CLEC4G: variants seen among roughly 807,000 people sequenced by gnomAD.
The protein encoded by CLEC4G is C-type lectin domain family 4 member G, also known as C-type lectin superfamily 4, member G.
CLEC4G carries 34 observed loss-of-function variants against 37.0 expected under a neutral mutation model. The observed-to-expected ratio is 0.92, with a 90% CI of 0.70 to 1.22. CLEC4G has a LOEUF of 1.22. Ranked by LOEUF, CLEC4G falls within the 50% of genes most tolerant of loss-of-function variation. The pLI, the probability that CLEC4G is intolerant of heterozygous loss-of-function variation, is 0.00. For synonymous variants in CLEC4G, 167 were observed against 165.6 expected, an observed-to-expected ratio of 1.01 and a Z score of -0.06; for missense variants, 390 against 392.9, an observed-to-expected ratio of 0.99 and a Z score of 0.06.
chr19:7,730,828 C>A lies in CLEC4G; in HGVS notation c.315G>T (p.Thr105=). 3.3e-6 allele frequency: 5 copies of A among 1,532,312 alleles called. No homozygotes were observed. The highest frequency in any genetic ancestry group is 4.4e-6 in the Non-Finnish European group (5 of 1,145,836). 94.9% of individuals were successfully genotyped at this position (1,532,312 alleles called of 1,614,324 possible). ...CSGTQAQLQT[T]RAELGEAQAK... ...CCTGCGCCTCCCCAAGCTCCGCGCG[C>A]GTGGTCTGCAGCTGCGCCTGCGTCC... The change falls in exon 5 of 9, where the codon ACG becomes ACT. Residue 105 remains threonine, a synonymous_variant. Coordinates refer to ENST00000328853, the MANE Select transcript of CLEC4G (RefSeq NM_198492.4). The surrounding 1 kb of genome is among the most constrained non-coding windows in gnomAD (Gnocchi z 7.3).
At position 7,730,635 on chromosome 19, in the gene CLEC4G, G is replaced by T; in HGVS notation, c.388+120C>A. Reference sequence around the variant, plus strand: ...GCGCTAGGAGTGGCAGTCAAGGTCAGAGTGCAGCGTCAGGGTCAGGACGGG... The same window carrying T: ...GCGCTAGGAGTGGCAGTCAAGGTCATAGTGCAGCGTCAGGGTCAGGACGGG... On this transcript the variant is annotated intron_variant, in intron 5 of 8. Transcript: ENST00000328853. The surrounding 1 kb of genome is among the most constrained non-coding windows in gnomAD (Gnocchi z 7.3). 6.9e-7 allele frequency: 1 copy of T among 1,454,012 alleles called. No homozygotes were observed. Among genetic ancestry groups the T allele is most frequent in the Non-Finnish European group, 9.0e-7 (1 of 1,105,006 alleles). 90.1% of individuals were successfully genotyped at this position (1,454,012 alleles called of 1,614,324 possible). A position where few individuals can be genotyped will look rare whatever the true frequency, so the allele number is the denominator to read the frequency against.
Position 7,730,279 on chromosome 19 carries a change from A to T in CLEC4G, c.478+72T>A, listed in dbSNP as rs2033408089. Reference sequence around the variant, plus strand: ...GGCTCAGGGGTGGAGACACAGAACCAGGCCAAGGTCCAGGAGTGACAGGGT... The same window carrying T: ...GGCTCAGGGGTGGAGACACAGAACCTGGCCAAGGTCCAGGAGTGACAGGGT... On this transcript the variant is annotated intron_variant, in intron 6 of 8. Transcript: ENST00000328853. This position sits in a 1 kb window ranked among gnomAD's most constrained non-coding sequence, Gnocchi z 7.3. 2.5e-6 allele frequency: 4 copies of T among 1,572,546 alleles called. No individual in the cohort carries two copies. The South Asian group carries it at 4.6e-5, about 18-fold the overall frequency.
Position 7,730,100 on chromosome 19 carries a change from T to A in CLEC4G, c.546A>T (p.Pro182=). 2 of 1,611,782 alleles carry A rather than the reference T, an allele frequency of 1.2e-6. No homozygotes were observed. The highest frequency in any genetic ancestry group is 1.7e-6 in the Non-Finnish European group (2 of 1,179,414). ...CCTGCGCCGCCGCCCACGTCGTCTT[T>A]GGCACAGAGAAAAAGTAGCAGGAGC... is the stretch of plus-strand genomic sequence containing the variant. ...FEGSCYFFSV[P]KTTWAAAQDH... Residue 182 remains proline (P), a synonymous_variant, in exon 7 of 9, where the codon CCA becomes CCT. Transcript: ENST00000328853. The surrounding 1 kb of genome is among the most constrained non-coding windows in gnomAD (Gnocchi z 7.3).
chr19:7,731,421 C>G (rs2033431319), intron 2 of CLEC4G, 102 bp from the exon 3 acceptor site: 7 of 1,503,576 alleles, frequency 4.7e-6, no homozygotes, highest in Middle Eastern at 3.5e-4. Context: ...AGCGGGCGGG[C>G]AGGCATACAG....
In CLEC4G at chr19:7,731,303, C is replaced by A; in HGVS notation, c.183G>T (p.Ala61=). Residue 61 remains alanine, a synonymous_variant, in exon 3 of 9, where the codon GCG becomes GCT. Coordinates refer to ENST00000328853, the MANE Select transcript of CLEC4G (RefSeq NM_198492.4). The part of the protein sequence containing the change: ...ILLSKASTER[A]ALLDGHDLLR... ...GCAGGTCGTGGCCGTCAAGCAGCGC[C>A]GCGCGCTCCGTGGAGGCTGAGGAGA... 1 of 1,580,080 alleles carries A rather than the reference C, an allele frequency of 6.3e-7. No individual in the cohort carries two copies. The highest frequency in any genetic ancestry group is 1.1e-5 in the South Asian group (1 of 87,102).
At position 7,730,132 on chromosome 19, in the gene CLEC4G, A is replaced by G. The variant is rs778258404; in HGVS notation, c.514T>C (p.Phe172Leu). 1 of 1,612,790 alleles carries G rather than the reference A, an allele frequency of 6.2e-7. No homozygotes were observed. The highest frequency in any genetic ancestry group is 2.2e-5 in the East Asian group (1 of 44,866). Residue 172 changes from phenylalanine (F) to leucine (L), a missense_variant, in exon 7 of 9, where the codon TTC becomes CTC. Coordinates refer to ENST00000328853, the MANE Select transcript of CLEC4G (RefSeq NM_198492.4). The surrounding 1 kb of genome is among the most constrained non-coding windows in gnomAD (Gnocchi z 7.3). Reference sequence around the variant, plus strand: ...GAGAAAAAGTAGCAGGAGCCCTCGAAGGACAGCCACGACGTGGGGCACGGC... The same window carrying G: ...GAGAAAAAGTAGCAGGAGCCCTCGAGGGACAGCCACGACGTGGGGCACGGC... ...CEPCPTSWLS[F>L]EGSCYFFSVP...
At position 7,729,066 on chromosome 19, in the gene CLEC4G, T is replaced by C; in HGVS notation, c.*300A>G. Reference sequence around the variant, plus strand: ...CAAACAGCTCCAGTCCTCAGTCACCTAACCTTGGTTAGGGAGAGAAGTGGA... The same window carrying C: ...CAAACAGCTCCAGTCCTCAGTCACCCAACCTTGGTTAGGGAGAGAAGTGGA... On this transcript the variant is annotated 3_prime_UTR_variant, in exon 9 of 9. Transcript: ENST00000328853. The C allele has an allele frequency of 2.0e-6, 1 of 501,796 alleles. No homozygotes were observed. The highest frequency in any genetic ancestry group is 3.8e-6 in the Non-Finnish European group (1 of 264,590). The allele number at this position is 501,796 out of a possible 1,614,324, so 31.1% of individuals were successfully genotyped here. A position where few individuals can be genotyped will look rare whatever the true frequency, so the allele number is the denominator to read the frequency against.
Position 7,730,774 on chromosome 19 carries a change from C to T in CLEC4G, c.369G>A (p.Leu123=), listed in dbSNP as rs1375977886. The T allele has an allele frequency of 3.3e-6, 5 of 1,532,532 alleles. No homozygotes were observed. The Admixed American group carries it at 7.9e-5, about 24-fold the overall frequency. 94.9% of individuals were successfully genotyped at this position (1,532,532 alleles called of 1,614,324 possible). Residue 123 remains leucine (L), a synonymous_variant, in exon 5 of 9, where the codon CTG becomes CTA. Coordinates refer to ENST00000328853, the MANE Select transcript of CLEC4G (RefSeq NM_198492.4). The surrounding 1 kb of genome is among the most constrained non-coding windows in gnomAD (Gnocchi z 7.3). ...CCTCACCGCGCTCACGCAGTTCCCG[C>T]AGGGCGCTCTCCTGCTCCATCAGCT... The part of the protein sequence containing the change: ...QAKLMEQESA[L]RELRERVTQG...
rs2033413922 is a variant in CLEC4G, at chr19:7,730,612, G to T, written c.388+143C>A. Reference sequence around the variant, plus strand: ...TGGGCAGGGTCCGGGTGTGGCCGGCGCTAGGAGTGGCAGTCAAGGTCAGAG... The same window carrying T: ...TGGGCAGGGTCCGGGTGTGGCCGGCTCTAGGAGTGGCAGTCAAGGTCAGAG... On this transcript the variant is annotated intron_variant, in intron 5 of 8. Transcript: ENST00000328853. The surrounding 1 kb of genome is among the most constrained non-coding windows in gnomAD (Gnocchi z 7.3). 10 of 1,446,926 alleles carry T rather than the reference G, an allele frequency of 6.9e-6. No homozygotes were observed. The highest frequency in any genetic ancestry group is 1.4e-5 in the African/African-American group (1 of 70,690). 89.6% of individuals were successfully genotyped at this position (1,446,926 alleles called of 1,614,324 possible).
At position 7,731,757 on chromosome 19, in the gene CLEC4G, A is replaced by G; in HGVS notation, c.70T>C (p.Trp24Arg). ...AGGGGTCTCCTGCTCCAGTGCACCC[A>G]GCGTCCCCAGGGCCCTGGCATAACA... is the stretch of plus-strand genomic sequence containing the variant. Reference protein sequence around the residue: ...EEVPGGPWGRWVHWSRRPLFL... With the variant: ...EEVPGGPWGRRVHWSRRPLFL... The change falls in exon 2 of 9, where the codon TGG (tryptophan) becomes CGG (arginine). Residue 24 changes from tryptophan (W) to arginine (R), a missense_variant. Physicochemically the swap from Trp to Arg is moderately radical, Grantham distance 101. Transcript: ENST00000328853. 1 of 1,613,834 alleles carries G rather than the reference A, an allele frequency of 6.2e-7. No individual in the cohort carries two copies. Among genetic ancestry groups the G allele is most frequent in the Non-Finnish European group, 8.5e-7 (1 of 1,179,914 alleles).
chr19:7,729,719 T>C (rs2277997), intron 8 of CLEC4G, 102 bp downstream of exon 8: 1,462,701 of 1,542,616 alleles, frequency 0.95, 697,268 homozygotes, highest in Non-Finnish European at 0.97. Context: ...CATCCCTAAG[T>C]ATGGAGCCCC....
rs770174433 is a variant in CLEC4G, at chr19:7,731,013, C to T, written c.283+13G>A. ...CCATCCCTGCGCCCACAGCCTCGAC[C>T]GCGCCCCCTCACAGCAGCTGTGGCA... On this transcript the variant is annotated intron_variant, in intron 4 of 8. Transcript: ENST00000328853. 3.8e-6 allele frequency: 6 copies of T among 1,598,646 alleles called. No homozygotes were observed. The highest frequency in any genetic ancestry group is 2.7e-5 in the African/African-American group (2 of 74,644).
In CLEC4G at chr19:7,730,679, G is replaced by A; in HGVS notation, c.388+76C>T. The A allele has an allele frequency of 6.8e-7, 1 of 1,479,740 alleles. No individual in the cohort carries two copies. The highest frequency in any genetic ancestry group is 8.9e-7 in the Non-Finnish European group (1 of 1,118,466). 91.7% of individuals were successfully genotyped at this position (1,479,740 alleles called of 1,614,324 possible). ...GGACGGGGTGCATGATCGGGGTCGG[G>A]GGTCAGCACTCAGGACGGGGTCGGG... On this transcript the variant is annotated intron_variant, in intron 5 of 8. Coordinates refer to ENST00000328853, the MANE Select transcript of CLEC4G (RefSeq NM_198492.4). This position sits in a 1 kb window ranked among gnomAD's most constrained non-coding sequence, Gnocchi z 7.3.
chr19:7,729,020 T>G lies in CLEC4G; in HGVS notation c.*346A>C, dbSNP rs2033385306. On this transcript the variant is annotated 3_prime_UTR_variant, in exon 9 of 9. Coordinates refer to ENST00000328853, the MANE Select transcript of CLEC4G (RefSeq NM_198492.4). ...CAGGCTGCAAAAACAGCTTCCAGTT[T>G]GGTGGAAAATGCGAGAAAACCAAAC... 3 of 394,686 alleles carry G rather than the reference T, an allele frequency of 7.6e-6. No individual in the cohort carries two copies. The highest frequency in any genetic ancestry group is 2.1e-5 in the South Asian group (1 of 47,976). The allele number at this position is 394,686 out of a possible 1,614,324, so 24.4% of individuals were successfully genotyped here.
chr19:7,730,160 G>C lies in CLEC4G; in HGVS notation c.486C>G (p.Cys162Trp), dbSNP rs766631531. The C allele has an allele frequency of 1.9e-6, 3 of 1,611,824 alleles. No individual in the cohort carries two copies. In the South Asian group the frequency reaches 3.3e-5, roughly 18 times the overall value. ...LEAVRLQNNS[C>W]EPCPTSWLSF... is the part of the protein sequence containing the mutation. ...ACAGCCACGACGTGGGGCACGGCTCGCAGGAGTCTGCGGGGTGGCGAGGGT... is the reference window on the plus strand; with the variant it reads ...ACAGCCACGACGTGGGGCACGGCTCCCAGGAGTCTGCGGGGTGGCGAGGGT... Residue 162 changes from cysteine to tryptophan, a missense_variant, in exon 7 of 9, where the codon TGC (cysteine) becomes TGG (tryptophan). Physicochemically the swap from Cys to Trp is radical, Grantham distance 215. Transcript: ENST00000328853. The surrounding 1 kb of genome is among the most constrained non-coding windows in gnomAD (Gnocchi z 7.3).
chr19:7,729,341 C>T lies in CLEC4G; in HGVS notation c.*25G>A, dbSNP rs754507158. 14 of 1,539,770 alleles carry T rather than the reference C, an allele frequency of 9.1e-6. No homozygotes were observed. In the East Asian group the frequency reaches 2.7e-4, roughly 30 times the overall value. On this transcript the variant is annotated 3_prime_UTR_variant, in exon 9 of 9. Transcript: ENST00000328853. The stretch of plus-strand genomic sequence containing the variant: ...CCAGGATACGACATGCTGCAATGGG[C>T]GCGGCTCCAGGGCACTGGGCGGGGT...
chr19:7,730,721 A>C lies in CLEC4G; in HGVS notation c.388+34T>G. 6.6e-7 allele frequency: 1 copy of C among 1,517,112 alleles called. No homozygotes were observed. The highest frequency in any genetic ancestry group is 8.8e-7 in the Non-Finnish European group (1 of 1,137,558). 94.0% of individuals were successfully genotyped at this position (1,517,112 alleles called of 1,614,324 possible). A position where few individuals can be genotyped will look rare whatever the true frequency, so the allele number is the denominator to read the frequency against. The stretch of plus-strand genomic sequence containing the variant: ...GGGGTCGGGGTCGGGGGACGCGGCC[A>C]GGGCTCAGGGCCGGGGTCGCGTCGG... On this transcript the variant is annotated intron_variant, in intron 5 of 8. Transcript: ENST00000328853. This position sits in a 1 kb window ranked among gnomAD's most constrained non-coding sequence, Gnocchi z 7.3.
Position 7,729,641 on chromosome 19 carries a change from A to C in CLEC4G, c.744-137T>G, listed in dbSNP as rs940964876. 55 of 1,207,504 alleles carry C rather than the reference A, an allele frequency of 4.6e-5. No homozygotes were observed. The African/African-American group carries it at 7.5e-4, about 16-fold the overall frequency. The allele number at this position is 1,207,504 out of a possible 1,614,324, so 74.8% of individuals were successfully genotyped here. A position where few individuals can be genotyped will look rare whatever the true frequency, so the allele number is the denominator to read the frequency against. Reference sequence around the variant, plus strand: ...CACCCCAACTGTCTAACCTGAGTATACACCTGGTATATAACTTTTTAACGC... The same window carrying C: ...CACCCCAACTGTCTAACCTGAGTATCCACCTGGTATATAACTTTTTAACGC... On this transcript the variant is annotated intron_variant, in intron 8 of 8. Transcript: ENST00000328853.
chr19:7,731,260 A>C lies in CLEC4G; in HGVS notation c.220+6T>G. On this transcript the variant is annotated splice_donor_region_variant and intron_variant, in intron 3 of 8. Coordinates refer to ENST00000328853, the MANE Select transcript of CLEC4G (RefSeq NM_198492.4). ...CGGGGGCCCAGGCGCCCGGCTCTGC[A>C]CACACCGTTTGTCCTCAGCAGGTCG... The C allele has an allele frequency of 6.3e-7, 1 of 1,591,876 alleles. No homozygotes were observed. Among genetic ancestry groups the C allele is most frequent in the Admixed American group, 1.7e-5 (1 of 57,540 alleles).
Sources: gnomAD v4.1 joint callset for allele counts on GRCh38, gnomAD v4.1.1 for gene constraint, Gnocchi (gnomAD v3.1) non-coding constraint, MANE v1.5 for transcripts, NCBI Gene and HGNC (gene_info 2026-07-23, HGNC 2026-07-21) for gene names.